SLC25A13: variants seen among roughly 807,000 people sequenced by gnomAD.
SLC25A13 encodes solute carrier family 25 member 13.
SLC25A13 carries 70 observed loss-of-function variants against 85.5 expected under a neutral mutation model. The observed-to-expected ratio is 0.82, with a 90% CI of 0.68 to 1.00. The LOEUF is 1.00. Ranked by LOEUF, SLC25A13 falls within the 50% of genes least tolerant of loss-of-function variation. SLC25A13 has a pLI of 0.00. For missense variants in SLC25A13, 765 were observed against 819.8 expected, an observed-to-expected ratio of 0.93 and a Z score of 0.82; for synonymous variants, 259 against 288.7, an observed-to-expected ratio of 0.90 and a Z score of 1.04.
At chr7:96,302,229 G>A (rs1032446698) in intron 1 of SLC25A13, among the ~76,000 whole-genome samples, 1 of 152,144 alleles carries the variant, frequency 6.6e-6, no homozygotes, top group African/African-American at 2.4e-5. Flanking sequence ...AAAAGGCAGG[G>A]GGTAGGGGAG....
At chr7:96,312,364 G>C (rs945053458) in intron 1 of SLC25A13, among the ~76,000 whole-genome samples, 2 of 152,190 alleles carry the variant, frequency 1.3e-5, no homozygotes, top group Admixed American at 1.3e-4. Flanking sequence ...GCTTGGAACA[G>C]TGTCCGGCTT....
At chr7:96,153,191 T>C (rs2116506859) in intron 13 of SLC25A13, among the ~76,000 whole-genome samples, 1 of 152,340 alleles carries the variant, frequency 6.6e-6, no homozygotes, top group South Asian at 2.1e-4. Context: ...GAGCAGAAAC[T>C]GACAAATCAT....
At chr7:96,287,932 C>T (rs1318646675) in intron 2 of SLC25A13, among the ~76,000 whole-genome samples, 2 of 152,198 alleles carry the variant, frequency 1.3e-5, no homozygotes, top group Non-Finnish European at 2.9e-5. Flanking sequence ...AGTGATCTTT[C>T]AGATTTCTGT....
intron 4 of SLC25A13, among the ~76,000 whole-genome samples, chr7:96,222,571 G>T (rs573532091): frequency 2.4e-4 from 37 of 152,210 alleles, no homozygotes; most frequent in African/African-American, 8.2e-4. Context: ...TCAGCCTCCT[G>T]AGTAGCTGGG....
At chr7:96,231,596 C>T (rs1011821763) in intron 4 of SLC25A13, among the ~76,000 whole-genome samples, 5 of 151,812 alleles carry the variant, frequency 3.3e-5, no homozygotes, top group Admixed American at 6.6e-5. Flanking sequence ...TGGTGGTGCG[C>T]GCCTGTAGTC....
intron 9 of SLC25A13, among the ~76,000 whole-genome samples, chr7:96,188,733 T>G (rs1235429747): frequency 6.6e-6 from 1 of 152,232 alleles, no homozygotes; most frequent in Non-Finnish European, 1.5e-5. Context: ...AACCATAAAA[T>G]AAAATTTAGC....
chr7:96,275,798 G>A (rs1405685209), intron 3 of SLC25A13, among the ~76,000 whole-genome samples: 2 of 152,090 alleles, frequency 1.3e-5, no homozygotes, highest in African/African-American at 4.8e-5. Flanking sequence ...ACGACGAGTT[G>A]ACGGGTGCAG....
At chr7:96,219,255 TTTA>T (rs1283141141) in intron 4 of SLC25A13, among the ~76,000 whole-genome samples, 4 of 152,158 alleles carry the variant, frequency 2.6e-5, no homozygotes, top group East Asian at 1.9e-4. Flanking sequence ...CTGTAAACTT[TTTA>T]TTATTATTAT....
chr7:96,167,897 A>C (rs1793821135), intron 13 of SLC25A13, among the ~76,000 whole-genome samples: 1 of 152,100 alleles, frequency 6.6e-6, no homozygotes, highest in African/African-American at 2.4e-5. Context: ...CAGGAGATTG[A>C]GACCATCCTG....
intron 12 of SLC25A13, 130 bp downstream of exon 12, chr7:96,171,342 G>T: frequency 1.3e-6 from 1 of 789,382 alleles, no homozygotes. Flanking sequence ...TGTGTGTGGT[G>T]AGTTCCCCTG....
intron 3 of SLC25A13, among the ~76,000 whole-genome samples, chr7:96,242,239 T>C (rs1433771477): frequency 1.3e-5 from 2 of 152,160 alleles, no homozygotes; most frequent in Non-Finnish European, 2.9e-5. Context: ...ACCACACAAG[T>C]ATATGTGGGT....
At chr7:96,314,661 C>T (rs1800067161) in intron 1 of SLC25A13, among the ~76,000 whole-genome samples, 1 of 152,126 alleles carries the variant, frequency 6.6e-6, no homozygotes, top group Non-Finnish European at 1.5e-5. Flanking sequence ...ATAGATAATC[C>T]TCACACATAG....
chr7:96,298,466 T>C (rs1030530400), intron 1 of SLC25A13, among the ~76,000 whole-genome samples: 1 of 152,018 alleles, frequency 6.6e-6, no homozygotes, highest in Non-Finnish European at 1.5e-5. Context: ...GGAGTTTCAC[T>C]CTTGTTGCCC....
chr7:96,295,867 TATATC>T (rs1799327419), intron 2 of SLC25A13, among the ~76,000 whole-genome samples: 2 of 150,900 alleles, frequency 1.3e-5, no homozygotes, highest in East Asian at 1.9e-4. Flanking sequence ...TTATTAATAA[TATATC>T]ATATATGTGT....
chr7:96,173,668 G>C (rs745315206), intron 11 of SLC25A13, among the ~76,000 whole-genome samples: 3 of 152,136 alleles, frequency 2.0e-5, no homozygotes, highest in Non-Finnish European at 2.9e-5. Flanking sequence ...TCCTGCCTAG[G>C]CTTTCCAAAA....
intron 14 of SLC25A13, among the ~76,000 whole-genome samples, chr7:96,136,843 A>G (rs537366581): frequency 9.7e-4 from 147 of 152,208 alleles, no homozygotes; most frequent in Non-Finnish European, 1.8e-3. Context: ...CACATTGTCT[A>G]GCACGGGGAA....
chr7:96,158,993 T>C (rs1793394863), intron 13 of SLC25A13, among the ~76,000 whole-genome samples: 1 of 152,194 alleles, frequency 6.6e-6, no homozygotes, highest in African/African-American at 2.4e-5. Flanking sequence ...ATTCAGCAAA[T>C]AGCAGTGGAT....
chr7:96,146,805 T>A, intron 13 of SLC25A13, 109 bp from the exon 14 acceptor site: 3 of 1,335,778 alleles, frequency 2.2e-6, no homozygotes, highest in Non-Finnish European at 3.2e-6. Flanking sequence ...CTCAAGAGAA[T>A]GTAGTTTCAG....
chr7:96,251,295 C>T (rs779538441), intron 3 of SLC25A13, among the ~76,000 whole-genome samples: 2 of 151,948 alleles, frequency 1.3e-5, no homozygotes, highest in Non-Finnish European at 2.9e-5. Flanking sequence ...GGGGAGGTAA[C>T]GTAAGGAGAG....
Sources: gnomAD v4.1 joint callset for allele counts (sites outside exome capture counted in the v4.1 genomes callset) on GRCh38, gnomAD v4.1.1 for gene constraint, MANE v1.5 for transcripts, NCBI Gene and HGNC (gene_info 2026-07-23, HGNC 2026-07-21) for gene names.